Variants in CSMD1 observed in about 807,000 individuals in gnomAD.
CSMD1 encodes the protein CUB and Sushi multiple domains 1.
In CSMD1, 213 loss-of-function variants were observed where a neutral mutation model predicts 417.5. The observed-to-expected ratio is 0.51, with a 90% CI of 0.46 to 0.57. The LOEUF is 0.57. CSMD1 is among the 20% of genes least tolerant of loss of function. CSMD1 has a pLI of 0.00. For synonymous variants in CSMD1, 2,862 were observed against 1,736.8 expected, an observed-to-expected ratio of 1.65 and a Z score of -16.11; for missense variants, 6,923 against 4,529.7, an observed-to-expected ratio of 1.53 and a Z score of -15.17.
chr8:3,888,589 C>T (rs988821668), intron 5 of CSMD1, among the ~76,000 whole-genome samples: 10 of 152,050 alleles, frequency 6.6e-5, no homozygotes, highest in African/African-American at 2.4e-4. Context: ...TAATAATGGC[C>T]CAGCTGCATA....
chr8:4,187,837 G>C (rs760177222), intron 3 of CSMD1, among the ~76,000 whole-genome samples: 3 of 152,018 alleles, frequency 2.0e-5, no homozygotes, highest in Non-Finnish European at 4.4e-5. Context: ...ATGACTTGCT[G>C]AGACTATTTC....
intron 10 of CSMD1, among the ~76,000 whole-genome samples, chr8:3,500,034 TG>T (rs1361452202): frequency 8.5e-5 from 13 of 152,198 alleles, no homozygotes; most frequent in African/African-American, 3.1e-4. Flanking sequence ...TACAGGCATC[TG>T]GGGTGGGAGT....
chr8:3,593,802 C>T (rs554266498), intron 8 of CSMD1, among the ~76,000 whole-genome samples: 1 of 152,254 alleles, frequency 6.6e-6, no homozygotes, highest in East Asian at 1.9e-4. Context: ...ATGGGTCATT[C>T]TCCCATCTTT....
At chr8:3,574,395 C>T (rs979341996) in intron 10 of CSMD1, among the ~76,000 whole-genome samples, 5 of 152,112 alleles carry the variant, frequency 3.3e-5, no homozygotes, top group African/African-American at 1.2e-4. Context: ...TGCCTGCCAC[C>T]AAGCCCAGCT....
chr8:2,987,955 TACCATGGGGGTTGGCTGC>T (rs150818775), intron 54 of CSMD1, among the ~76,000 whole-genome samples: 7,926 of 152,260 alleles, frequency 0.052, 220 homozygotes, highest in East Asian at 0.091. Flanking sequence ...GGTAAATGTG[TACCATGGGGGTTGGCTGC>T]ACCTGTGAAC....
rs373626690 is a variant in CSMD1 at position 3,616,707 on chromosome 8, T to G, written c.1097+3A>C. 8.8e-6 allele frequency: 14 copies of G among 1,591,906 alleles called. No individual in the cohort carries two copies. In the African/African-American group the frequency reaches 1.7e-4, roughly 20 times the overall value. ...TTTTTTCCACCACTATTGTATCTCT[T>G]ACCTGAAGTCGGAACCTGCTCTTCT... On this transcript the variant is annotated splice_donor_region_variant and intron_variant, in intron 8 of 69. Coordinates refer to ENST00000635120, the MANE Select transcript of CSMD1 (RefSeq NM_033225.6).
chr8:3,541,893 C>T (rs771940121), intron 10 of CSMD1, among the ~76,000 whole-genome samples: 13 of 152,076 alleles, frequency 8.5e-5, no homozygotes, highest in Non-Finnish European at 1.8e-4. Context: ...AAAACCCCAT[C>T]TCTACTCAAA....
At chr8:4,134,735 C>G (rs1803313751) in intron 3 of CSMD1, among the ~76,000 whole-genome samples, 1 of 152,218 alleles carries the variant, frequency 6.6e-6, no homozygotes, top group Admixed American at 6.5e-5. Context: ...AGAGTCTCCT[C>G]CTGACATTCA....
intron 3 of CSMD1, among the ~76,000 whole-genome samples, chr8:4,071,978 T>A (rs1426054418): frequency 6.6e-6 from 1 of 152,172 alleles, no homozygotes; most frequent in Non-Finnish European, 1.5e-5. Context: ...AGCTCTCCTT[T>A]CTGGGATTCC....
chr8:3,598,490 G>C (rs1050553127), intron 8 of CSMD1, among the ~76,000 whole-genome samples: 1 of 152,122 alleles, frequency 6.6e-6, no homozygotes, highest in African/African-American at 2.4e-5. Context: ...GCTCAAGTGG[G>C]GACATCCTTT....
At chr8:3,298,037 G>C (rs1229120949) in intron 25 of CSMD1, among the ~76,000 whole-genome samples, 1 of 152,012 alleles carries the variant, frequency 6.6e-6, no homozygotes, top group Non-Finnish European at 1.5e-5. Flanking sequence ...CAAATAAAAA[G>C]GTACCACACC....
intron 8 of CSMD1, among the ~76,000 whole-genome samples, chr8:3,596,446 G>A (rs554273162): frequency 1.3e-5 from 2 of 152,316 alleles, no homozygotes; most frequent in African/African-American, 2.4e-5. Flanking sequence ...TCACAGATGA[G>A]AACGAGAGAC....
chr8:3,861,738 T>C (rs1352465488), intron 5 of CSMD1, among the ~76,000 whole-genome samples: 2 of 152,164 alleles, frequency 1.3e-5, no homozygotes, highest in African/African-American at 4.8e-5. Flanking sequence ...GCTATAAAGA[T>C]TTTACCAAAA....
chr8:4,909,646 G>T (rs139956156), intron 1 of CSMD1, among the ~76,000 whole-genome samples: 39 of 152,280 alleles, frequency 2.6e-4, no homozygotes, highest in African/African-American at 9.1e-4. Flanking sequence ...GGCAATGAGT[G>T]TAGGGGCCTC....
intron 69 of CSMD1, among the ~76,000 whole-genome samples, chr8:2,940,452 C>T (rs1017188975): frequency 1.3e-5 from 2 of 152,116 alleles, no homozygotes; most frequent in Non-Finnish European, 2.9e-5. Context: ...GTTGTGATGA[C>T]GACAGATTCC....
At position 3,357,067 on chromosome 8, in the gene CSMD1, G is replaced by A. The variant is rs563522608; in HGVS notation, c.3304+2085C>T. Among the ~76,000 whole-genome samples the A allele has an allele frequency of 5.8e-4, 88 of 152,240 alleles. 1 individual carries two copies. The highest frequency in any genetic ancestry group is 2.0e-3 in the African/African-American group (85 of 41,530). ...GTGGGGCTAGGAGGGTGGGGAGGAGGAGCCTGAACTGAGAGCTCTGCAGCG... is the reference window on the plus strand; with the variant it reads ...GTGGGGCTAGGAGGGTGGGGAGGAGAAGCCTGAACTGAGAGCTCTGCAGCG... On this transcript the variant is annotated intron_variant, in intron 21 of 69. Coordinates refer to ENST00000635120, the MANE Select transcript of CSMD1 (RefSeq NM_033225.6).
chr8:4,301,371 T>C (rs1346227816), intron 3 of CSMD1, among the ~76,000 whole-genome samples: 3 of 152,202 alleles, frequency 2.0e-5, no homozygotes, highest in Non-Finnish European at 4.4e-5. Flanking sequence ...CTTCCAGCCC[T>C]TGGTAGCCAA....
At chr8:4,712,996 T>C (rs1808407900) in intron 1 of CSMD1, among the ~76,000 whole-genome samples, 1 of 152,234 alleles carries the variant, frequency 6.6e-6, no homozygotes, top group Non-Finnish European at 1.5e-5. Flanking sequence ...GGCAGTAATA[T>C]TAATGATATT....
chr8:4,179,751 A>G (rs1016027981), intron 3 of CSMD1, among the ~76,000 whole-genome samples: 2 of 1,232 alleles, frequency 1.6e-3, no homozygotes, highest in African/African-American at 4.3e-3. Context: ...AAACAACCCC[A>G]TCAAAAAGTG....
Sources: allele counts gnomAD v4.1 joint callset (sites outside exome capture counted in the v4.1 genomes callset), GRCh38; gene constraint gnomAD v4.1.1; transcripts MANE v1.5; gene names NCBI Gene and HGNC (gene_info 2026-07-23, HGNC 2026-07-21).